RSU1: variants seen among roughly 807,000 people sequenced by gnomAD.
RSU1 encodes the protein Ras suppressor protein 1, also known as rsu-1.
A neutral mutation model predicts 31.1 loss-of-function variants in RSU1; 26 were observed. The ratio of observed to expected loss-of-function variants is 0.84; its 90% CI spans 0.61 to 1.16. The LOEUF is 1.16. RSU1 is among the 50% of genes most tolerant of loss of function. The probability of loss-of-function intolerance (pLI) is 0.00; values close to 1 mark genes in which losing one functional copy is unlikely to be tolerated. For synonymous variants in RSU1, 164 were observed against 136.3 expected (o/e 1.20, Z -1.41); for missense variants, 320 against 339.1 (o/e 0.94, Z 0.44).
At chr10:16,620,733 T>G (rs2131478464) in intron 8 of RSU1, among the ~76,000 whole-genome samples, 1 of 151,790 alleles carries the variant, frequency 6.6e-6, no homozygotes, top group African/African-American at 2.4e-5. Flanking sequence ...TAGTCCCAGC[T>G]ACTTGGGAGG....
intron 8 of RSU1, among the ~76,000 whole-genome samples, chr10:16,641,406 C>T (rs751485960): frequency 6.6e-5 from 10 of 151,110 alleles, no homozygotes; most frequent in Non-Finnish European, 1.3e-4. Flanking sequence ...GCAGAAGACT[C>T]GTATGAACCC....
chr10:16,679,906 G>T (rs1835298458), intron 8 of RSU1, among the ~76,000 whole-genome samples: 2 of 134,546 alleles, frequency 1.5e-5, no homozygotes, highest in African/African-American at 2.9e-5. Flanking sequence ...TTATGAGACA[G>T]AGTCTCACTC....
At chr10:16,777,140 C>G (rs1837549890) in intron 3 of RSU1, among the ~76,000 whole-genome samples, 1 of 151,968 alleles carries the variant, frequency 6.6e-6, no homozygotes, top group Non-Finnish European at 1.5e-5. Flanking sequence ...CTCCCCAACA[C>G]AATGGAATTG....
intron 2 of RSU1, among the ~76,000 whole-genome samples, chr10:16,785,749 C>A (rs1473586241): frequency 6.6e-6 from 1 of 151,216 alleles, no homozygotes; most frequent in Non-Finnish European, 1.5e-5. Context: ...TGGCACCCTA[C>A]CTAGGACACA....
intron 8 of RSU1, among the ~76,000 whole-genome samples, chr10:16,688,736 C>T (rs544366660): frequency 2.0e-5 from 3 of 152,184 alleles, no homozygotes; most frequent in Admixed American, 6.5e-5. Flanking sequence ...TGCCGTGGTG[C>T]GTGCCTGTAA....
chr10:16,718,656 G>C (rs1836193039), intron 7 of RSU1, among the ~76,000 whole-genome samples: 1 of 152,060 alleles, frequency 6.6e-6, no homozygotes, highest in Admixed American at 6.6e-5. Flanking sequence ...TTATACAACT[G>C]TATTTAAAAA....
At chr10:16,794,473 G>C (rs1240479470) in intron 2 of RSU1, among the ~76,000 whole-genome samples, 1 of 151,964 alleles carries the variant, frequency 6.6e-6, no homozygotes, top group African/African-American at 2.4e-5. Context: ...TAGCTTGTTT[G>C]TATTGACTAA....
intron 7 of RSU1, among the ~76,000 whole-genome samples, chr10:16,703,814 G>GA (rs970894044): frequency 6.6e-6 from 1 of 152,050 alleles, no homozygotes. Flanking sequence ...GAAAAGACTG[G>GA]AAAAAAATCT....
At chr10:16,682,574 G>GCACACACACACACA (rs71200966) in intron 8 of RSU1, among the ~76,000 whole-genome samples, 10,225 of 138,036 alleles carry the variant, frequency 0.074, 816 homozygotes, top group African/African-American at 0.11. Context: ...ACACACACAT[G>GCACACACACACACA]CATGCATGTT....
Position 16,722,849 on chromosome 10 carries a change from C to CAT in RSU1, c.599-27695_599-27694insAT, listed in dbSNP as rs1390327659. Among the ~76,000 whole-genome samples, 5 of 93,830 alleles carry CAT rather than the reference C, an allele frequency of 5.3e-5. No homozygotes were observed. In the South Asian group the frequency reaches 1.2e-3, roughly 23 times the overall value. The allele number at this position is 93,830 out of a possible 152,430, so 61.6% of individuals were successfully genotyped here. On this transcript the variant is annotated intron_variant, in intron 7 of 8. Transcript: ENST00000345264. ...ATACAGCCACATATATGTATATATA[C>CAT]ACACATATATACATATATGTATATA... is the stretch of plus-strand genomic sequence containing the variant.
chr10:16,652,552 A>C (rs543478252), intron 8 of RSU1, among the ~76,000 whole-genome samples: 15 of 152,292 alleles, frequency 9.8e-5, no homozygotes, highest in Non-Finnish European at 1.5e-4. Flanking sequence ...TATATTATAT[A>C]CACACAAACA....
At chr10:16,792,508 G>T (rs1023017826) in intron 2 of RSU1, among the ~76,000 whole-genome samples, 38 of 152,186 alleles carry the variant, frequency 2.5e-4, no homozygotes, top group African/African-American at 9.2e-4. Context: ...TGGGATTACA[G>T]GTATGAGCCA....
At chr10:16,663,486 G>C (rs188338787) in intron 8 of RSU1, among the ~76,000 whole-genome samples, 1 of 152,200 alleles carries the variant, frequency 6.6e-6, no homozygotes, top group East Asian at 1.9e-4. Flanking sequence ...CTTGATAATG[G>C]GTTAAAAATA....
intron 8 of RSU1, among the ~76,000 whole-genome samples, chr10:16,634,751 C>T (rs566051395): frequency 6.6e-6 from 1 of 152,270 alleles, no homozygotes; most frequent in East Asian, 1.9e-4. Flanking sequence ...CACCCAGTTA[C>T]CTCAATTACC....
intron 8 of RSU1, among the ~76,000 whole-genome samples, chr10:16,679,110 T>C (rs545890082): frequency 1.6e-4 from 24 of 152,344 alleles, no homozygotes; most frequent in South Asian, 1.0e-3. Flanking sequence ...CACATTTTAA[T>C]GTTTCCAGTA....
Position 16,675,146 on chromosome 10 carries a change from C to A in RSU1, c.731+19877G>T, listed in dbSNP as rs117265423. Among the ~76,000 whole-genome samples the A allele has an allele frequency of 0.018, 2,511 of 141,010 alleles. 88 individuals carry two copies. The East Asian group carries it at 0.18, about 10-fold the overall frequency. The allele number at this position is 141,010 out of a possible 152,430, so 92.5% of individuals were successfully genotyped here. ...GCTTGAATCCAGGAGGCGGAGGTTG[C>A]GGTGAGATTGCACCCCTGCACTCCA... On this transcript the variant is annotated intron_variant, in intron 8 of 8. Coordinates refer to ENST00000345264, the MANE Select transcript of RSU1 (RefSeq NM_012425.4).
intron 2 of RSU1, among the ~76,000 whole-genome samples, chr10:16,804,936 A>G (rs759464951): frequency 1.3e-5 from 2 of 152,154 alleles, no homozygotes; most frequent in Non-Finnish European, 2.9e-5. Context: ...AAAACCCATA[A>G]AACTATACTA....
intron 7 of RSU1, among the ~76,000 whole-genome samples, chr10:16,726,267 C>CTTTTTTTTTTTTTTTTTTTT (rs760586484): frequency 7.3e-6 from 1 of 137,082 alleles, no homozygotes; most frequent in African/African-American, 3.0e-5. Context: ...AGGAACGTAT[C>CTTTTTTTTTTTTTTTTTTTT]TTTTTTTTTT....
chr10:16,790,620 A>G (rs908985244), intron 2 of RSU1, among the ~76,000 whole-genome samples: 3 of 152,188 alleles, frequency 2.0e-5, no homozygotes, highest in African/African-American at 7.2e-5. Flanking sequence ...CAGGGAAGGC[A>G]TATGATAGGG....
Sources: allele counts gnomAD v4.1 joint callset (sites outside exome capture counted in the v4.1 genomes callset), GRCh38; gene constraint gnomAD v4.1.1; transcripts MANE v1.5; gene names NCBI Gene and HGNC (gene_info 2026-07-23, HGNC 2026-07-21).